The following RAPGEF4 variants were observed in gnomAD, a reference collection of about 807,000 sequenced individuals.
RAPGEF4 encodes RAP guanine-nucleotide-exchange factor (GEF) 4.
In RAPGEF4, 66 loss-of-function variants were observed where a neutral mutation model predicts 147.9. The ratio of observed to expected loss-of-function variants is 0.45; its 90% CI spans 0.37 to 0.55. The LOEUF (loss-of-function observed/expected upper bound fraction) is 0.55, where lower values mean the gene tolerates loss of function less well. RAPGEF4 is among the 20% of genes least tolerant of loss of function. The pLI is 0.00. For missense variants in RAPGEF4, 1,071 were observed against 1,257.3 expected (o/e 0.85, Z 2.24); for synonymous variants, 419 against 442.7 (o/e 0.95, Z 0.67).
intron 4 of RAPGEF4, among the ~76,000 whole-genome samples, chr2:172,817,892 A>G (rs1688662563): frequency 7.2e-6 from 1 of 138,804 alleles, no homozygotes; most frequent in Admixed American, 7.4e-5. Context: ...ATATATATAT[A>G]TATATCACAA....
At chr2:172,939,241 T>G (rs1181332414) in intron 6 of RAPGEF4, among the ~76,000 whole-genome samples, 1 of 152,210 alleles carries the variant, frequency 6.6e-6, no homozygotes, top group African/African-American at 2.4e-5. Context: ...ACTGCCAAAC[T>G]GTCTTCCAAA....
At chr2:172,868,431 G>C (rs775184601) in intron 4 of RAPGEF4, among the ~76,000 whole-genome samples, 1 of 152,184 alleles carries the variant, frequency 6.6e-6, no homozygotes, top group Admixed American at 6.5e-5. Flanking sequence ...AGCACAGACT[G>C]TCTCTACTTT....
intron 9 of RAPGEF4, among the ~76,000 whole-genome samples, chr2:172,966,566 G>A (rs1166219439): frequency 3.3e-5 from 5 of 152,128 alleles, no homozygotes; most frequent in African/African-American, 1.2e-4. Context: ...CTGAAAAGGG[G>A]CTCAAGGCTG....
chr2:172,981,429 A>C (rs1165616715), intron 10 of RAPGEF4, among the ~76,000 whole-genome samples: 1 of 152,220 alleles, frequency 6.6e-6, no homozygotes, highest in Non-Finnish European at 1.5e-5. Context: ...CTGGCCGAGA[A>C]GGCCTGGCTC....
chr2:172,892,905 G>A (rs1698084332), intron 4 of RAPGEF4, among the ~76,000 whole-genome samples: 1 of 152,174 alleles, frequency 6.6e-6, no homozygotes, highest in Non-Finnish European at 1.5e-5. Flanking sequence ...TGCATGCATT[G>A]GTCCAACTGT....
Position 172,834,839 on chromosome 2 carries a change from G to T in RAPGEF4, c.444+20414G>T, listed in dbSNP as rs190606143. Among the ~76,000 whole-genome samples, 7 of 152,276 alleles carry T rather than the reference G, an allele frequency of 4.6e-5. No homozygotes were observed. The Middle Eastern group carries it at 0.01, about 222-fold the overall frequency. Reference sequence around the variant, plus strand: ...TTTAAACATCGAAATAGTCTTGAAAGAATTTTTTTATTAAATTCTGTTCTC... The same window carrying T: ...TTTAAACATCGAAATAGTCTTGAAATAATTTTTTTATTAAATTCTGTTCTC... On this transcript the variant is annotated intron_variant, in intron 4 of 30. Coordinates refer to ENST00000397081, the MANE Select transcript of RAPGEF4 (RefSeq NM_007023.4).
intron 27 of RAPGEF4, 110 bp downstream of exon 27, chr2:173,034,074 T>G (rs1257091103): frequency 1.4e-5 from 15 of 1,037,956 alleles, no homozygotes; most frequent in Non-Finnish European, 2.1e-5. Context: ...TATATGACTT[T>G]AAGAAGTTTA....
rs192037155 is a variant in RAPGEF4 at position 173,035,279 on chromosome 2, C to T, written c.2701-846C>T. On this transcript the variant is annotated intron_variant, in intron 27 of 30. Transcript: ENST00000397081. ...ATCCCAGCACTTTGGGAGGCCGAGG[C>T]GGGCAGATCACGAGGTCAGGAGATC... Among the ~76,000 whole-genome samples the T allele has an allele frequency of 3.7e-3, 569 of 151,942 alleles. 5 individuals carry two copies. Among genetic ancestry groups the T allele is most frequent in the African/African-American group, 0.013 (534 of 41,460 alleles).
intron 3 of RAPGEF4, among the ~76,000 whole-genome samples, chr2:172,809,513 G>C (rs1687820911): frequency 6.6e-6 from 1 of 152,126 alleles, no homozygotes; most frequent in Non-Finnish European, 1.5e-5. Context: ...ATCAGAGTGG[G>C]AAAAGCAGAA....
chr2:172,751,274 A>G (rs1695262765), intron 1 of RAPGEF4, among the ~76,000 whole-genome samples: 1 of 152,180 alleles, frequency 6.6e-6, no homozygotes, highest in African/African-American at 2.4e-5. Flanking sequence ...GGTATACATT[A>G]GTGAGAAAAA....
chr2:172,784,710 T>C (rs1021171848), intron 1 of RAPGEF4, among the ~76,000 whole-genome samples: 1 of 152,182 alleles, frequency 6.6e-6, no homozygotes, highest in Non-Finnish European at 1.5e-5. Context: ...GTGGTAAACA[T>C]CTTGAGTTTC....
At chr2:173,019,720 C>T (rs561778881) in intron 22 of RAPGEF4, among the ~76,000 whole-genome samples, 53 of 152,164 alleles carry the variant, frequency 3.5e-4, no homozygotes, top group Non-Finnish European at 6.9e-4. Flanking sequence ...GATGTCTGCC[C>T]TCCCTGACCC....
chr2:172,926,152 G>A (rs892444583), intron 6 of RAPGEF4, among the ~76,000 whole-genome samples: 6 of 152,072 alleles, frequency 3.9e-5, no homozygotes, highest in Non-Finnish European at 5.9e-5. Flanking sequence ...TATTTTGATA[G>A]GGTTGTGATT....
chr2:172,814,133 C>T (rs1044132785), intron 3 of RAPGEF4, 146 bp from the exon 4 acceptor site: 27 of 793,804 alleles, frequency 3.4e-5, no homozygotes, highest in African/African-American at 2.8e-4. Flanking sequence ...GTAATTACTC[C>T]GGTATATATA....
At chr2:172,902,572 G>T (rs114425782) in intron 4 of RAPGEF4, among the ~76,000 whole-genome samples, 3 of 152,058 alleles carry the variant, frequency 2.0e-5, no homozygotes, top group Non-Finnish European at 2.9e-5. Flanking sequence ...CAGCACTGCC[G>T]TCTCTCATGC....
At chr2:172,924,936 T>TTTAACTGTTTTGTTAACAGTTAAACTG (rs1685125121) in intron 6 of RAPGEF4, among the ~76,000 whole-genome samples, 3 of 152,148 alleles carry the variant, frequency 2.0e-5, no homozygotes, top group Admixed American at 2.0e-4. Flanking sequence ...AATCACCATG[T>TTTAACTGTTTTGTTAACAGTTAAACTG]TTAACTGTTT....
chr2:172,760,030 A>G (rs765564210), intron 1 of RAPGEF4, among the ~76,000 whole-genome samples: 3 of 152,200 alleles, frequency 2.0e-5, no homozygotes, highest in Non-Finnish European at 2.9e-5. Context: ...AGAAACACCA[A>G]TGGGCACAGA....
intron 4 of RAPGEF4, among the ~76,000 whole-genome samples, chr2:172,860,704 G>A (rs564068770): frequency 6.6e-6 from 1 of 151,998 alleles, no homozygotes; most frequent in South Asian, 2.1e-4. Context: ...TCCTCCTGTG[G>A]TCTTTTGTTT....
intron 23 of RAPGEF4, 129 bp from the exon 24 acceptor site, chr2:173,026,443 A>G: frequency 9.9e-7 from 1 of 1,014,976 alleles, no homozygotes; most frequent in East Asian, 2.8e-5. Context: ...ATCTCTCCTC[A>G]GAGTTTCCAG....
Sources: gnomAD v4.1 joint callset for allele counts (sites outside exome capture counted in the v4.1 genomes callset) on GRCh38, gnomAD v4.1.1 for gene constraint, MANE v1.5 for transcripts, NCBI Gene and HGNC (gene_info 2026-07-23, HGNC 2026-07-21) for gene names.